C11orf16: variants seen among roughly 807,000 people sequenced by gnomAD.
C11orf16 encodes the protein chromosome 11 open reading frame 16, also known as uncharacterized protein C11orf16.
Under a neutral mutation model 45.1 loss-of-function variants are expected in C11orf16, and 38 were observed. The ratio of observed to expected loss-of-function variants is 0.84; its 90% confidence interval spans 0.65 to 1.10. The LOEUF is 1.10. C11orf16 is among the 50% of genes least tolerant of loss of function. The pLI is 0.00. For synonymous variants in C11orf16, 221 were observed against 222.0 expected (o/e 1.00, Z 0.04); for missense variants, 583 against 569.5 (o/e 1.02, Z -0.24).
At chr11:8,930,180 G>A (rs2064640638) in intron 2 of C11orf16, among the ~76,000 whole-genome samples, 1 of 151,960 alleles carries the variant, frequency 6.6e-6, no homozygotes, top group Non-Finnish European at 1.5e-5. Flanking sequence ...TGTAATCCCA[G>A]CACTTTGGGA....
intron 5 of C11orf16, 94 bp downstream of exon 5, chr11:8,925,369 A>G: frequency 9.0e-7 from 1 of 1,107,276 alleles, no homozygotes; most frequent in Non-Finnish European, 1.3e-6. Flanking sequence ...AACAGAGTGG[A>G]CACGTGCATC....
At position 8,921,171 on chromosome 11, in the gene C11orf16, A is replaced by G. The variant is rs2064569997; in HGVS notation, c.*22+123T>C. On this transcript the variant is annotated intron_variant, in intron 6 of 6. Transcript: ENST00000326053. ...TGAAATTACATGCAAAATTGAGGGT[A>G]TGTGCATTTTTCTAGGACAAGGGGT... 4.3e-6 allele frequency: 3 copies of G among 698,546 alleles called. No homozygotes were observed. The East Asian group carries it at 7.6e-5, about 18-fold the overall frequency. The allele number at this position is 698,546 out of a possible 1,614,324, so 43.3% of individuals were successfully genotyped here.
At chr11:8,926,185 C>CTTTTTT (rs59858402) in intron 4 of C11orf16, 78 bp from the exon 5 acceptor site, 252 of 888,824 alleles carry the variant, frequency 2.8e-4, no homozygotes, top group African/African-American at 1.3e-3. Flanking sequence ...TTTTTCTTTT[C>CTTTTTT]TTTTTTTTTT....
intron 5 of C11orf16, among the ~76,000 whole-genome samples, chr11:8,923,487 C>T (rs1384434487): frequency 6.6e-6 from 1 of 152,066 alleles, no homozygotes; most frequent in African/African-American, 2.4e-5. Context: ...CTCTAGAGTT[C>T]GGTGCCATCT....
Position 8,929,530 on chromosome 11 carries a change from ATGCCTGG to A in C11orf16, c.168-4_170del. The A allele has an allele frequency of 6.2e-7, 1 of 1,610,940 alleles. No homozygotes were observed. Among genetic ancestry groups the A allele is most frequent in the Admixed American group, 1.7e-5 (1 of 59,254 alleles). On this transcript the variant is annotated splice_acceptor_variant and splice_polypyrimidine_tract_variant and coding_sequence_variant and intron_variant, in exon 3 of 7. Coordinates refer to ENST00000326053, the MANE Select transcript of C11orf16 (RefSeq NM_020643.3). LOFTEE classifies it high-confidence loss of function. ...CGTGGAGACATGGGCAAGAAGAGGC[ATGCCTGG>A]AAAAAAGCAAATGGAATTAGTGGAT...
At chr11:8,926,707 T>C (rs1395179634) in intron 4 of C11orf16, among the ~76,000 whole-genome samples, 6 of 151,714 alleles carry the variant, frequency 4.0e-5, no homozygotes, top group South Asian at 2.1e-4. Flanking sequence ...GATATGAGAG[T>C]TTTAGGCCAT....
chr11:8,925,914 C>T lies in C11orf16; in HGVS notation c.753G>A (p.Gly251=). ...CCGGAGGAAGCTCATTAGTGATGCG[C>T]CCAGTGATTGGCCCTAGCAGAGAGC... ...PCCSLLGPIT[G]RITNELPPDA... Residue 251 remains glycine (G), a synonymous_variant, in exon 5 of 7, where the codon GGG becomes GGA. Transcript: ENST00000326053. 2 of 1,614,176 alleles carry T rather than the reference C, an allele frequency of 1.2e-6. No homozygotes were observed. Among genetic ancestry groups the T allele is most frequent in the Non-Finnish European group, 1.7e-6 (2 of 1,180,024 alleles).
chr11:8,920,246 C>T lies in C11orf16; in HGVS notation c.*227G>A. On this transcript the variant is annotated 3_prime_UTR_variant, in exon 7 of 7. Transcript: ENST00000326053. Reference sequence around the variant, plus strand: ...GTTTCACCAGGGCCCTGGCAGGGAGCCCCAGGGCAGGATCCCACATTCCTA... The same window carrying T: ...GTTTCACCAGGGCCCTGGCAGGGAGTCCCAGGGCAGGATCCCACATTCCTA... 2.4e-6 allele frequency: 1 copy of T among 411,358 alleles called. No homozygotes were observed. Among genetic ancestry groups the T allele is most frequent in the Non-Finnish European group, 4.3e-6 (1 of 233,938 alleles). 25.5% of individuals were successfully genotyped at this position (411,358 alleles called of 1,614,324 possible).
chr11:8,920,544 G>A lies in C11orf16; in HGVS notation c.*23-94C>T, dbSNP rs1426934113. ...TTTTAAAAAGTCATTGATTGTGGCC[G>A]AGTGCGGTGGCTCATACCTGTAATC... On this transcript the variant is annotated intron_variant, in intron 6 of 6. Transcript: ENST00000326053. 4.0e-5 allele frequency: 24 copies of A among 595,772 alleles called. 1 individual carries two copies. Among genetic ancestry groups the A allele is most frequent in the African/African-American group, 9.5e-5 (5 of 52,680 alleles). 36.9% of individuals were successfully genotyped at this position (595,772 alleles called of 1,614,324 possible).
chr11:8,926,172 C>CTTTT, intron 4 of C11orf16, 65 bp from the exon 5 acceptor site: 1 of 1,057,552 alleles, frequency 9.5e-7, no homozygotes, highest in Admixed American at 3.0e-5. Flanking sequence ...TTTCTTTTTT[C>CTTTT]TTTTTTTCTT....
At chr11:8,931,043 T>C (rs921417738) in intron 2 of C11orf16, among the ~76,000 whole-genome samples, 12 of 152,108 alleles carry the variant, frequency 7.9e-5, no homozygotes, top group Admixed American at 7.9e-4. Flanking sequence ...TCCACATGTG[T>C]ATATAGGGCT....
intron 3 of C11orf16, among the ~76,000 whole-genome samples, chr11:8,928,174 C>CT (rs1379436667): frequency 6.6e-6 from 1 of 152,178 alleles, no homozygotes; most frequent in Non-Finnish European, 1.5e-5. Flanking sequence ...TCCCAAAGTG[C>CT]TGTTATTACA....
At chr11:8,927,855 G>T (rs1008175228) in intron 3 of C11orf16, 2 of 279,276 alleles carry the variant, frequency 7.2e-6, no homozygotes, top group Admixed American at 4.1e-5. Context: ...CTATATTTGA[G>T]CAAAGCTTTG....
chr11:8,930,849 C>A (rs1050159355), intron 2 of C11orf16, among the ~76,000 whole-genome samples: 2 of 152,134 alleles, frequency 1.3e-5, no homozygotes, highest in Admixed American at 6.6e-5. Context: ...GCCCTCAGCC[C>A]CCCTCAGCCT....
At chr11:8,930,397 G>T (rs1397574442) in intron 2 of C11orf16, among the ~76,000 whole-genome samples, 1 of 122,730 alleles carries the variant, frequency 8.1e-6, no homozygotes, top group African/African-American at 3.1e-5. Context: ...CTGTACTCCA[G>T]CCTGGTGACA....
Position 8,924,606 on chromosome 11 carries a change from T to C in C11orf16, c.1204+857A>G, listed in dbSNP as rs528346018. Among the ~76,000 whole-genome samples, 5 of 152,166 alleles carry C rather than the reference T, an allele frequency of 3.3e-5. No individual in the cohort carries two copies. In the East Asian group the frequency reaches 5.8e-4, roughly 18 times the overall value. ...TCTGGCTCAGTGGCTGTCCTAGAAA[T>C]AGGGCTATGGTTTCAACCAGGGACC... On this transcript the variant is annotated intron_variant, in intron 5 of 6. Coordinates refer to ENST00000326053, the MANE Select transcript of C11orf16 (RefSeq NM_020643.3).
chr11:8,921,339 G>A lies in C11orf16; in HGVS notation c.1381C>T (p.Gln461Ter). 6.2e-7 allele frequency: 1 copy of A among 1,613,344 alleles called. No homozygotes were observed. The highest frequency in any genetic ancestry group is 8.5e-7 in the Non-Finnish European group (1 of 1,180,032). The change falls in exon 6 of 7, where the codon CAG becomes TAG. Residue 461 changes from glutamine (Q) to a stop codon, truncating the protein, a stop_gained. Transcript: ENST00000326053. LOFTEE classifies it high-confidence loss of function. ...RKRSQSLAIC[Q>*]WNKNSR The stretch of plus-strand genomic sequence containing the variant: ...GTCTAACGGGAATTCTTGTTCCACT[G>A]ACATATTGCAAGGCTCTGACTCCGC...
chr11:8,925,317 C>G (rs1566111812), intron 5 of C11orf16, 146 bp downstream of exon 5: 7 of 747,432 alleles, frequency 9.4e-6, no homozygotes, highest in Non-Finnish European at 1.5e-5. Flanking sequence ...GCCACAGCCT[C>G]CTCTTCAGCA....
intron 2 of C11orf16, among the ~76,000 whole-genome samples, chr11:8,929,817 G>A (rs747854570): frequency 2.0e-5 from 3 of 152,192 alleles, no homozygotes; most frequent in Non-Finnish European, 4.4e-5. Flanking sequence ...ATTGATGCTT[G>A]TTCCTACACT....
Sources: gnomAD v4.1 joint callset for allele counts (sites outside exome capture counted in the v4.1 genomes callset) on GRCh38, gnomAD v4.1.1 for gene constraint, MANE v1.5 for transcripts, NCBI Gene and HGNC (gene_info 2026-07-23, HGNC 2026-07-21) for gene names.